The following ICA1 variants were observed in gnomAD, a reference collection of about 807,000 sequenced individuals.
ICA1 encodes 69 kDa islet cell autoantigen.
ICA1 carries 40 observed loss-of-function variants against 71.0 expected under a neutral mutation model. The ratio of observed to expected loss-of-function variants is 0.56; its 90% CI spans 0.44 to 0.73. ICA1 has a LOEUF of 0.73. Among genes scored for constraint, ICA1 ranks in the 30% least tolerant of loss-of-function variants. ICA1 has a pLI of 0.00. For synonymous variants in ICA1, 207 were observed against 209.5 expected (o/e 0.99, Z 0.10); for missense variants, 578 against 576.5 (o/e 1.00, Z -0.03).
Position 8,142,647 on chromosome 7 carries a change from G to A in ICA1, c.903-830C>T, listed in dbSNP as rs781757073. ...TAAGTGGGCAGCCCCTTAACCTTCC[G>A]GAACCTTCCTTCCATCTTTTACATG... On this transcript the variant is annotated intron_variant, in intron 9 of 13. Transcript: ENST00000402384. 1.1e-4 allele frequency among the ~76,000 whole-genome samples: 16 copies of A among 152,256 alleles called. No homozygotes were observed. The East Asian group carries it at 1.2e-3, about 11-fold the overall frequency.
chr7:8,124,222 G>A (rs190660853), intron 13 of ICA1, among the ~76,000 whole-genome samples: 108 of 144,896 alleles, frequency 7.5e-4, no homozygotes, highest in African/African-American at 2.4e-3. Context: ...CCGGGTTCAC[G>A]CCATTCTCCT....
chr7:8,248,634 T>C (rs1806978606), intron 1 of ICA1, among the ~76,000 whole-genome samples: 1 of 152,174 alleles, frequency 6.6e-6, no homozygotes, highest in Non-Finnish European at 1.5e-5. Context: ...GAGGATCGCT[T>C]GAGCCAGGAA....
At position 8,128,119 on chromosome 7, in the gene ICA1, T is replaced by A. The variant is rs750147258; in HGVS notation, c.1084A>T (p.Thr362Ser). 8.1e-6 allele frequency: 13 copies of A among 1,613,738 alleles called. No homozygotes were observed. In the South Asian group the frequency reaches 1.4e-4, roughly 18 times the overall value. The part of the protein sequence containing the change: ...EGACLGPVAG[T>S]PEPEGADKDD... ...TTGTCAGCACCTTCAGGTTCCGGGGTCCCTGCCACTGGTCCCAGGCAAGCT... is the reference window on the plus strand; with the variant it reads ...TTGTCAGCACCTTCAGGTTCCGGGGACCCTGCCACTGGTCCCAGGCAAGCT... Residue 362 changes from threonine to serine, a missense_variant, in exon 13 of 14, where the codon ACC (threonine) becomes TCC (serine). By Grantham distance (58) the Thr-to-Ser change is moderately conservative. Coordinates refer to ENST00000402384, the MANE Select transcript of ICA1 (RefSeq NM_001136020.3).
intron 1 of ICA1, among the ~76,000 whole-genome samples, chr7:8,241,483 C>G (rs770970679): frequency 6.6e-6 from 1 of 152,174 alleles, no homozygotes; most frequent in Non-Finnish European, 1.5e-5. Context: ...TAAAGACCAT[C>G]GATGCTAGGA....
intron 6 of ICA1, among the ~76,000 whole-genome samples, chr7:8,164,303 CAAAAAAAAAAA>C (rs71014767): frequency 1.2e-5 from 1 of 83,620 alleles, no homozygotes; most frequent in Non-Finnish European, 2.1e-5. Flanking sequence ...GACTCCGTCT[CAAAAAAAAAAA>C]AAAAAAAAAA....
chr7:8,139,644 C>A (rs35338938), intron 10 of ICA1, among the ~76,000 whole-genome samples: 20,599 of 152,092 alleles, frequency 0.14, 1,498 homozygotes, highest in Non-Finnish European at 0.17. Context: ...TAACACCAAG[C>A]GTGAATGCTA....
intron 1 of ICA1, among the ~76,000 whole-genome samples, chr7:8,259,304 T>C (rs1163811450): frequency 6.6e-6 from 1 of 152,130 alleles, no homozygotes; most frequent in Non-Finnish European, 1.5e-5. Context: ...ATGCTACTGG[T>C]CCATGGACCA....
chr7:8,119,573 T>C (rs772250751), intron 13 of ICA1, among the ~76,000 whole-genome samples: 3 of 152,192 alleles, frequency 2.0e-5, no homozygotes, highest in Non-Finnish European at 4.4e-5. Context: ...AGGCCGGGTG[T>C]GGTGGCTCAC....
intron 1 of ICA1, among the ~76,000 whole-genome samples, chr7:8,256,165 C>A (rs1358902972): frequency 6.6e-6 from 1 of 152,202 alleles, no homozygotes; most frequent in Non-Finnish European, 1.5e-5. Flanking sequence ...ATCTTCACAG[C>A]TTAGGCCTTA....
At chr7:8,218,551 A>T in intron 5 of ICA1, 48 bp from the exon 6 acceptor site, 1 of 1,500,208 alleles carries the variant, frequency 6.7e-7, no homozygotes. Context: ...CCAGTGAGCA[A>T]TTTAAATCCT....
intron 13 of ICA1, among the ~76,000 whole-genome samples, chr7:8,121,287 G>C (rs796887961): frequency 4.6e-5 from 7 of 152,256 alleles, no homozygotes; most frequent in African/African-American, 1.4e-4. Context: ...CATCCAGCCA[G>C]CCAGCCAGCC....
intron 6 of ICA1, among the ~76,000 whole-genome samples, chr7:8,205,898 G>A (rs923401579): frequency 2.6e-5 from 4 of 152,232 alleles, no homozygotes; most frequent in East Asian, 1.9e-4. Context: ...GTCAGGAGAC[G>A]AAACCTCGGC....
At chr7:8,245,411 G>GGC (rs1332326177) in intron 1 of ICA1, among the ~76,000 whole-genome samples, 1 of 126,170 alleles carries the variant, frequency 7.9e-6, no homozygotes, top group Non-Finnish European at 1.6e-5. Context: ...GCCTGTTGTG[G>GGC]GGTGGGGGGT....
At chr7:8,146,254 T>G (rs886849098) in intron 8 of ICA1, among the ~76,000 whole-genome samples, 7 of 152,166 alleles carry the variant, frequency 4.6e-5, no homozygotes, top group Non-Finnish European at 7.3e-5. Context: ...TGTCCTCTTT[T>G]GGAAGTGACA....
intron 6 of ICA1, among the ~76,000 whole-genome samples, chr7:8,161,382 G>A (rs1803740401): frequency 6.6e-6 from 1 of 152,148 alleles, no homozygotes; most frequent in Non-Finnish European, 1.5e-5. Context: ...GAACAGAGAG[G>A]GGTGGGGTTG....
At chr7:8,191,343 G>A (rs1175991113) in intron 6 of ICA1, among the ~76,000 whole-genome samples, 1 of 152,188 alleles carries the variant, frequency 6.6e-6, no homozygotes, top group South Asian at 2.1e-4. Context: ...GTTTGACTTA[G>A]AGTTTTTGAC....
At chr7:8,199,437 A>C (rs928611363) in intron 6 of ICA1, among the ~76,000 whole-genome samples, 1 of 152,174 alleles carries the variant, frequency 6.6e-6, no homozygotes, top group Non-Finnish European at 1.5e-5. Context: ...CTGGCCAGGC[A>C]TGGTGGCTCA....
chr7:8,211,211 A>T (rs757579642), intron 6 of ICA1, among the ~76,000 whole-genome samples: 12 of 150,818 alleles, frequency 8.0e-5, no homozygotes, highest in Non-Finnish European at 1.3e-4. Flanking sequence ...CTGGATGTTA[A>T]TTTTTTTTTT....
intron 6 of ICA1, among the ~76,000 whole-genome samples, chr7:8,208,716 G>A (rs1395395335): frequency 6.6e-6 from 1 of 152,136 alleles, no homozygotes; most frequent in African/African-American, 2.4e-5. Context: ...ATTTTCCATT[G>A]ACCCGTAATT....
Sources: allele counts gnomAD v4.1 joint callset (sites outside exome capture counted in the v4.1 genomes callset), GRCh38; gene constraint gnomAD v4.1.1; transcripts MANE v1.5; gene names NCBI Gene and HGNC (gene_info 2026-07-23, HGNC 2026-07-21).